Variants in CREB5 observed in about 807,000 individuals in gnomAD.
The protein encoded by CREB5 is cyclic AMP-responsive element-binding protein 5.
In CREB5, 19 loss-of-function variants were observed where a neutral mutation model predicts 57.1. The observed-to-expected ratio is 0.33, with a 90% CI of 0.23 to 0.49. CREB5 has a LOEUF of 0.49. Among genes scored for constraint, CREB5 ranks in the 20% least tolerant of loss-of-function variants. The probability of loss-of-function intolerance (pLI) is 0.99; values close to 1 mark genes in which losing one functional copy is unlikely to be tolerated. For missense variants in CREB5, 579 were observed against 671.6 expected, an observed-to-expected ratio of 0.86 and a Z score of 1.52; for synonymous variants, 238 against 238.3, an observed-to-expected ratio of 1.00 and a Z score of 0.01.
At chr7:28,678,097 T>A (rs1222094844) in intron 5 of CREB5, among the ~76,000 whole-genome samples, 1 of 152,190 alleles carries the variant, frequency 6.6e-6, no homozygotes, top group Non-Finnish European at 1.5e-5. Flanking sequence ...CTTGTAAGAA[T>A]GGAAAAGAGG....
chr7:28,560,895 T>TGTGCGC (rs1273103113), intron 4 of CREB5, among the ~76,000 whole-genome samples: 1 of 26,668 alleles, frequency 3.7e-5, no homozygotes. Flanking sequence ...TGCGTGTGTG[T>TGTGCGC]GCGTGCGCGC....
intron 7 of CREB5, among the ~76,000 whole-genome samples, chr7:28,775,238 C>T (rs1806552674): frequency 6.6e-6 from 1 of 152,126 alleles, no homozygotes; most frequent in South Asian, 2.1e-4. Context: ...TGCTTCCTCT[C>T]TGCCTGTTGA....
At chr7:28,513,806 A>T (rs145517341) in intron 4 of CREB5, 59 of 152,326 alleles carry the variant, frequency 3.9e-4, no homozygotes, top group Admixed American at 5.9e-4. Flanking sequence ...GATTATTAAG[A>T]GTTGGTATTT....
At chr7:28,530,502 ATCC>A (rs1793678115) in intron 4 of CREB5, among the ~76,000 whole-genome samples, 1 of 152,142 alleles carries the variant, frequency 6.6e-6, no homozygotes, top group East Asian at 1.9e-4. Context: ...AAAACATATG[ATCC>A]CATAAAAAGC....
chr7:28,587,248 G>A (rs1352869568), intron 5 of CREB5, among the ~76,000 whole-genome samples: 1 of 152,210 alleles, frequency 6.6e-6, no homozygotes, highest in African/African-American at 2.4e-5. Context: ...GAGACTGAAA[G>A]ACACTGAAAT....
rs192078960 is a variant in CREB5 at position 28,592,952 on chromosome 7, A to T, written c.464+22415A>T. On this transcript the variant is annotated intron_variant, in intron 5 of 10. Transcript: ENST00000357727. ...GAGGTTAAGTTACTTGCCCAAGGTC[A>T]TGTAAATCATAAATGGCAAGACCAG... 7.8e-4 allele frequency among the ~76,000 whole-genome samples: 119 copies of T among 152,384 alleles called. 2 individuals carry two copies. Among genetic ancestry groups the T allele is most frequent in the Middle Eastern group, 3.4e-3 (1 of 294 alleles).
chr7:28,373,134 A>G (rs767212372), intron 1 of CREB5, among the ~76,000 whole-genome samples: 10 of 152,182 alleles, frequency 6.6e-5, no homozygotes, highest in Middle Eastern at 3.2e-3. Context: ...TCCTAGCATA[A>G]GACCTGCGTT....
At chr7:28,556,801 T>C (rs1299840843) in intron 4 of CREB5, among the ~76,000 whole-genome samples, 1 of 152,190 alleles carries the variant, frequency 6.6e-6, no homozygotes, top group Non-Finnish European at 1.5e-5. Context: ...CATATGGCTA[T>C]GGAGGCATCA....
chr7:28,309,002 C>T (rs961647500), intron 1 of CREB5, among the ~76,000 whole-genome samples: 1 of 152,058 alleles, frequency 6.6e-6, no homozygotes, highest in African/African-American at 2.4e-5. Flanking sequence ...ACAAAAAGAC[C>T]AACTATCCCC....
chr7:28,810,000 T>C (rs1472519656), intron 9 of CREB5, among the ~76,000 whole-genome samples: 1 of 152,232 alleles, frequency 6.6e-6, no homozygotes, highest in East Asian at 1.9e-4. Context: ...AGGCATGTTT[T>C]CATCTCATTT....
intron 7 of CREB5, among the ~76,000 whole-genome samples, chr7:28,771,525 C>T (rs902565628): frequency 6.6e-6 from 1 of 152,008 alleles, no homozygotes; most frequent in South Asian, 2.1e-4. Context: ...CTCAGGGAGT[C>T]GTTGCATGAA....
At chr7:28,435,852 A>G (rs940499576) in intron 1 of CREB5, among the ~76,000 whole-genome samples, 1 of 152,102 alleles carries the variant, frequency 6.6e-6, no homozygotes, top group Non-Finnish European at 1.5e-5. Context: ...TCTTGGATTT[A>G]CCTAGAAAAT....
In CREB5 at chr7:28,434,344, C is replaced by CTT. The variant is rs1360353335; in HGVS notation, c.3+21430_3+21431dup. ...AATGATTCGATTATTAATTTCATTC[C>CTT]TTTTATAGAATTTTAATCGAATGCC... On this transcript the variant is annotated intron_variant, in intron 1 of 10. Transcript: ENST00000357727. 2.6e-5 allele frequency among the ~76,000 whole-genome samples: 4 copies of CTT among 152,110 alleles called. No homozygotes were observed. In the East Asian group the frequency reaches 7.7e-4, roughly 29 times the overall value.
intron 5 of CREB5, among the ~76,000 whole-genome samples, chr7:28,575,611 T>G (rs533631923): frequency 6.6e-6 from 1 of 152,342 alleles, no homozygotes; most frequent in South Asian, 2.1e-4. Flanking sequence ...TCCCGGCTTG[T>G]CACTGGTCCT....
intron 5 of CREB5, among the ~76,000 whole-genome samples, chr7:28,599,303 A>G (rs1796816064): frequency 6.6e-6 from 1 of 152,208 alleles, no homozygotes; most frequent in Admixed American, 6.5e-5. Context: ...TTGTATTGCC[A>G]GATTTTATTT....
intron 5 of CREB5, among the ~76,000 whole-genome samples, chr7:28,714,498 C>T (rs1417617527): frequency 6.6e-6 from 1 of 152,178 alleles, no homozygotes; most frequent in East Asian, 1.9e-4. Flanking sequence ...GACGAAAGCA[C>T]TGGCCTGAGG....
chr7:28,421,782 T>TATAC (rs67006630), intron 1 of CREB5, among the ~76,000 whole-genome samples: 76,768 of 145,670 alleles, frequency 0.53, 22,080 homozygotes, highest in East Asian at 0.71. Flanking sequence ...TATATATATA[T>TATAC]ACCATATATA....
At chr7:28,506,187 C>T (rs998301074) in intron 3 of CREB5, among the ~76,000 whole-genome samples, 3 of 152,210 alleles carry the variant, frequency 2.0e-5, no homozygotes, top group Admixed American at 1.3e-4. Context: ...GGGGATATTA[C>T]ACCATTTTCT....
chr7:28,608,608 T>C (rs1180043630), intron 5 of CREB5, among the ~76,000 whole-genome samples: 1 of 151,890 alleles, frequency 6.6e-6, no homozygotes, highest in African/African-American at 2.4e-5. Flanking sequence ...GCACAGCACA[T>C]TGAACAGGCT....
Sources: allele counts gnomAD v4.1 joint callset (sites outside exome capture counted in the v4.1 genomes callset), GRCh38; gene constraint gnomAD v4.1.1; transcripts MANE v1.5; gene names NCBI Gene and HGNC (gene_info 2026-07-23, HGNC 2026-07-21).